CRYBG1: variants seen among roughly 807,000 people sequenced by gnomAD.
CRYBG1 encodes the protein beta/gamma crystallin domain-containing protein 1.
Under a neutral mutation model 189.2 loss-of-function variants are expected in CRYBG1, and 139 were observed. That is an observed-to-expected ratio of 0.73 (90% CI 0.64 to 0.85). The LOEUF is 0.85. CRYBG1 is among the 40% of genes least tolerant of loss of function. The pLI, the probability that CRYBG1 is intolerant of heterozygous loss-of-function variation, is 0.00. For missense variants in CRYBG1, 2,611 were observed against 2,675.8 expected, an observed-to-expected ratio of 0.98 and a Z score of 0.53; for synonymous variants, 1,023 against 1,017.1, an observed-to-expected ratio of 1.01 and a Z score of -0.11.
intron 9 of CRYBG1, among the ~76,000 whole-genome samples, chr6:106,540,699 T>C (rs1028440436): frequency 1.3e-5 from 2 of 152,128 alleles, no homozygotes; most frequent in Non-Finnish European, 2.9e-5. Flanking sequence ...CCTTTTTTTT[T>C]TTGCTTGTTT....
chr6:106,440,391 A>G (rs1426549331), intron 1 of CRYBG1, among the ~76,000 whole-genome samples: 1 of 151,838 alleles, frequency 6.6e-6, no homozygotes, highest in Non-Finnish European at 1.5e-5. Context: ...CAACCTCCCA[A>G]GTAGCTGGGA....
intron 1 of CRYBG1, among the ~76,000 whole-genome samples, chr6:106,368,501 C>T (rs1191413346): frequency 6.6e-6 from 1 of 152,164 alleles, no homozygotes; most frequent in Admixed American, 6.6e-5. Flanking sequence ...CTGTCTAATG[C>T]TTGTGAGGAG....
chr6:106,400,606 T>A (rs1423976922), intron 1 of CRYBG1, among the ~76,000 whole-genome samples: 1 of 152,174 alleles, frequency 6.6e-6, no homozygotes, highest in Non-Finnish European at 1.5e-5. Flanking sequence ...GGAGACTCTA[T>A]AAATATTCAG....
intron 7 of CRYBG1, among the ~76,000 whole-genome samples, chr6:106,528,619 T>C (rs1335972529): frequency 6.6e-6 from 1 of 152,176 alleles, no homozygotes; most frequent in Non-Finnish European, 1.5e-5. Flanking sequence ...AACATCTTTG[T>C]GATTGGCAAC....
chr6:106,492,715 A>G (rs1478516870), intron 2 of CRYBG1, among the ~76,000 whole-genome samples: 1 of 152,226 alleles, frequency 6.6e-6, no homozygotes, highest in African/African-American at 2.4e-5. Flanking sequence ...TCTAAATATT[A>G]TAACAATATC....
intron 2 of CRYBG1, among the ~76,000 whole-genome samples, chr6:106,509,184 C>T (rs751966581): frequency 3.9e-5 from 6 of 152,154 alleles, no homozygotes; most frequent in Non-Finnish European, 8.8e-5. Context: ...CAGACTTTAC[C>T]TGTGGTGGGA....
chr6:106,393,595 T>C (rs1770550052), intron 1 of CRYBG1, among the ~76,000 whole-genome samples: 1 of 152,140 alleles, frequency 6.6e-6, no homozygotes, highest in Non-Finnish European at 1.5e-5. Context: ...GTTTTAAAGA[T>C]GTATGATTCT....
At chr6:106,369,462 T>C (rs1769970355) in intron 1 of CRYBG1, among the ~76,000 whole-genome samples, 2 of 152,212 alleles carry the variant, frequency 1.3e-5, no homozygotes, top group South Asian at 4.1e-4. Context: ...CCAAAGGTAA[T>C]ATCGACAGCT....
At position 106,383,017 on chromosome 6, in the gene CRYBG1, A is replaced by G. The variant is rs192167908; in HGVS notation, c.173+21936A>G. On this transcript the variant is annotated intron_variant, in intron 1 of 21. Coordinates refer to ENST00000633556, the MANE Select transcript of CRYBG1 (RefSeq NM_001371242.2). ...CCTGCAATTTTTTGTGTGTGTCTCT[A>G]TATCCACAAAAGGCAAGTAAGTAAT... 3.3e-5 allele frequency among the ~76,000 whole-genome samples: 5 copies of G among 152,360 alleles called. No individual in the cohort carries two copies. The East Asian group carries it at 9.6e-4, about 29-fold the overall frequency.
At chr6:106,454,603 C>A (rs1043739647) in intron 2 of CRYBG1, among the ~76,000 whole-genome samples, 1 of 152,188 alleles carries the variant, frequency 6.6e-6, no homozygotes, top group Non-Finnish European at 1.5e-5. Context: ...CCTTCTTTCC[C>A]AGGCAGAATA....
intron 1 of CRYBG1, among the ~76,000 whole-genome samples, chr6:106,362,650 A>T (rs1771902492): frequency 6.6e-6 from 1 of 152,222 alleles, no homozygotes; most frequent in South Asian, 2.1e-4. Flanking sequence ...AGGAAACCTA[A>T]GAAAGAAGTC....
chr6:106,381,465 T>C (rs1450021125), intron 1 of CRYBG1, among the ~76,000 whole-genome samples: 1 of 152,056 alleles, frequency 6.6e-6, no homozygotes, highest in Admixed American at 6.5e-5. Flanking sequence ...ACAGTTTTAC[T>C]GAGAGAAGGT....
At position 106,511,757 on chromosome 6, in the gene CRYBG1, C is replaced by T. The variant is rs1379081569; in HGVS notation, c.640C>T (p.Arg214Cys). ...AAPPDAELSP[R>C]WSSSAAAVAV... is the part of the protein sequence containing the mutation. ...CCCCCCTGACGCCGAGCTGTCACCT[C>T]GCTGGAGCAGCAGTGCAGCGGCTGT... Residue 214 changes from arginine (R) to cysteine (C), a missense_variant, in exon 3 of 22, where the codon CGC becomes TGC. By Grantham distance (180) the Arg-to-Cys change is radical. This residue lies in a region of CRYBG1 where 985 missense variants were observed against 924.4 expected (regional missense o/e 1.07). Coordinates refer to ENST00000633556, the MANE Select transcript of CRYBG1 (RefSeq NM_001371242.2). 7 of 1,535,134 alleles carry T rather than the reference C, an allele frequency of 4.6e-6. No individual in the cohort carries two copies. The Admixed American group carries it at 1.2e-4, about 26-fold the overall frequency.
intron 10 of CRYBG1, among the ~76,000 whole-genome samples, chr6:106,542,467 A>T (rs2114571829): frequency 6.6e-6 from 1 of 151,522 alleles, no homozygotes; most frequent in African/African-American, 2.4e-5. Context: ...TTTAGCAGAG[A>T]TGAGGTTTCA....
At chr6:106,473,568 C>G (rs1772278525) in intron 2 of CRYBG1, among the ~76,000 whole-genome samples, 1 of 152,152 alleles carries the variant, frequency 6.6e-6, no homozygotes, top group Non-Finnish European at 1.5e-5. Flanking sequence ...ATCAAAAAGA[C>G]AGGAGACAAC....
At position 106,520,691 on chromosome 6, in the gene CRYBG1, G is replaced by C; in HGVS notation, c.3483G>C (p.Leu1161Phe). The C allele has an allele frequency of 6.2e-7, 1 of 1,614,106 alleles. No individual in the cohort carries two copies. The highest frequency in any genetic ancestry group is 8.5e-7 in the Non-Finnish European group (1 of 1,180,012). ...VFDPKVFTFG[L>F]GKKKESQPEM... ...ATCCCAAAGTGTTTACCTTTGGTTT[G>C]GGGAAGAAGAAGGAAAGTCAGCCAG... Residue 1161 changes from leucine to phenylalanine, a missense_variant, in exon 4 of 22, where the codon TTG becomes TTC. Transcript: ENST00000633556.
At chr6:106,551,185 C>T (rs1357828848) in intron 13 of CRYBG1, among the ~76,000 whole-genome samples, 2 of 151,992 alleles carry the variant, frequency 1.3e-5, no homozygotes, top group East Asian at 1.9e-4. Flanking sequence ...TTCTTTATGT[C>T]CATGCATGAC....
intron 1 of CRYBG1, among the ~76,000 whole-genome samples, chr6:106,384,764 C>G (rs2114325165): frequency 6.6e-6 from 1 of 152,070 alleles, no homozygotes; most frequent in East Asian, 1.9e-4. Context: ...CTTTTAAGGC[C>G]ACCCTAATTT....
At chr6:106,475,158 GT>G (rs1443796059) in intron 2 of CRYBG1, among the ~76,000 whole-genome samples, 3 of 152,124 alleles carry the variant, frequency 2.0e-5, no homozygotes, top group African/African-American at 7.2e-5. Context: ...TCACCCGAAT[GT>G]TTCAAATGCC....
Sources: allele counts gnomAD v4.1 joint callset (sites outside exome capture counted in the v4.1 genomes callset), GRCh38; gene constraint gnomAD v4.1.1; regional missense constraint gnomAD v4.1.1; transcripts MANE v1.5; gene names NCBI Gene and HGNC (gene_info 2026-07-23, HGNC 2026-07-21).